ESRRG: variants seen among roughly 807,000 people sequenced by gnomAD.
The protein encoded by ESRRG is estrogen related receptor gamma.
Under a neutral mutation model 44.0 loss-of-function variants are expected in ESRRG, and 13 were observed. The ratio of observed to expected loss-of-function variants is 0.30; its 90% CI spans 0.19 to 0.47. ESRRG has a LOEUF of 0.47. Ranked by LOEUF, ESRRG falls within the 20% of genes least tolerant of loss-of-function variation. The pLI is 1.00. For synonymous variants in ESRRG, 215 were observed against 214.6 expected (o/e 1.00, Z -0.02); for missense variants, 395 against 580.6 (o/e 0.68, Z 3.29).
At chr1:216,873,732 C>T (rs962293205) in intron 2 of ESRRG, among the ~76,000 whole-genome samples, 2 of 151,270 alleles carry the variant, frequency 1.3e-5, no homozygotes, top group African/African-American at 4.9e-5. Context: ...GCTCCACCCT[C>T]TTGGGACCAC....
chr1:217,010,018 A>G (rs2078336447), intron 1 of ESRRG, among the ~76,000 whole-genome samples: 1 of 152,030 alleles, frequency 6.6e-6, no homozygotes, highest in Non-Finnish European at 1.5e-5. Context: ...TATAGTTTTC[A>G]AATTTTAAAT....
chr1:217,067,849 A>G (rs1426768632), intron 1 of ESRRG, among the ~76,000 whole-genome samples: 4 of 152,272 alleles, frequency 2.6e-5, no homozygotes, highest in Non-Finnish European at 5.9e-5. Context: ...TCAAAGGGGA[A>G]AAAAAACCCC....
intron 2 of ESRRG, among the ~76,000 whole-genome samples, chr1:216,786,673 G>A (rs1054305777): frequency 3.3e-5 from 5 of 152,096 alleles, no homozygotes; most frequent in Non-Finnish European, 7.4e-5. Context: ...ACAGAATGCG[G>A]GCTATATTAC....
intron 2 of ESRRG, among the ~76,000 whole-genome samples, chr1:216,821,511 C>A (rs1317749428): frequency 6.6e-6 from 1 of 151,248 alleles, no homozygotes; most frequent in Non-Finnish European, 1.5e-5. Flanking sequence ...CATAGTGAGA[C>A]CCTGTCTCTA....
chr1:216,996,087 A>T (rs2076342091), intron 1 of ESRRG, among the ~76,000 whole-genome samples: 1 of 152,188 alleles, frequency 6.6e-6, no homozygotes. Flanking sequence ...TTTAGGCATG[A>T]TCCTACCTGA....
intron 1 of ESRRG, among the ~76,000 whole-genome samples, chr1:216,682,319 C>T (rs1307960911): frequency 2.6e-5 from 4 of 151,980 alleles, no homozygotes; most frequent in African/African-American, 7.3e-5. Context: ...CTTTGGTAGG[C>T]TAAATAAATG....
At position 217,103,214 on chromosome 1, in the gene ESRRG, T is replaced by C. The variant is rs2092543193; in HGVS notation, c.-230+34453A>G. 3.3e-5 allele frequency among the ~76,000 whole-genome samples: 5 copies of C among 152,200 alleles called. No individual in the cohort carries two copies. In the South Asian group the frequency reaches 1.0e-3, roughly 32 times the overall value. ...TGGAAGTTGATCGAGAGTAGAGGAA[T>C]GGAAGCCTCCTCCGTCAGTCAACCT... On this transcript the variant is annotated intron_variant, in intron 1 of 8. Transcript: ENST00000366940.
In ESRRG at chr1:216,882,224, C is replaced by T. The variant is rs143993594; in HGVS notation, c.-14+57358G>A. 3.3e-5 allele frequency among the ~76,000 whole-genome samples: 5 copies of T among 152,266 alleles called. No individual in the cohort carries two copies. The East Asian group carries it at 9.7e-4, about 29-fold the overall frequency. ...TGCATAGCCAGGACCTTGAGCTATA[C>T]ATTCCTTGATTTATTCACTTCCTTA... On this transcript the variant is annotated intron_variant, in intron 2 of 7. Transcript: ENST00000359162.
chr1:216,547,850 A>G (rs917539521), intron 5 of ESRRG, among the ~76,000 whole-genome samples: 6 of 152,056 alleles, frequency 3.9e-5, no homozygotes, highest in African/African-American at 1.4e-4. Context: ...CCCATTATTG[A>G]TTTGATGAAA....
chr1:216,533,534 C>G (rs1410647029), intron 5 of ESRRG, among the ~76,000 whole-genome samples: 2 of 152,018 alleles, frequency 1.3e-5, no homozygotes, highest in East Asian at 3.9e-4. Context: ...ATGGCTACAG[C>G]AGGAGGCAGA....
intron 3 of ESRRG, among the ~76,000 whole-genome samples, chr1:216,643,876 C>T (rs2066958539): frequency 6.6e-6 from 1 of 152,198 alleles, no homozygotes; most frequent in East Asian, 1.9e-4. Context: ...GGACTTTTTC[C>T]CATTTTGTCC....
At chr1:216,762,726 A>ATAAT (rs1350437648) in intron 2 of ESRRG, among the ~76,000 whole-genome samples, 1 of 151,926 alleles carries the variant, frequency 6.6e-6, no homozygotes, top group African/African-American at 2.4e-5. Context: ...AAATAAATAA[A>ATAAT]TAAATAAAAA....
rs116282921 is a variant in ESRRG at position 216,708,087 on chromosome 1, G to A, written c.56+15157C>T. Among the ~76,000 whole-genome samples, 1,225 of 152,174 alleles carry A rather than the reference G, an allele frequency of 8.0e-3. 20 individuals are homozygous for A. The highest frequency in any genetic ancestry group is 0.028 in the African/African-American group (1,156 of 41,528). ...AATGGAAACAATTTTTAGAATTTAT[G>A]TAGTTCATAATGATTTGAATATTCT... On this transcript the variant is annotated intron_variant, in intron 1 of 6. Coordinates refer to ENST00000408911, the MANE Select transcript of ESRRG (RefSeq NM_001438.4).
chr1:216,831,603 C>G (rs1126020), intron 2 of ESRRG, among the ~76,000 whole-genome samples: 1 of 151,730 alleles, frequency 6.6e-6, no homozygotes, highest in Admixed American at 6.6e-5. Context: ...TAATAGAAAT[C>G]GTGAATAATG....
intron 1 of ESRRG, among the ~76,000 whole-genome samples, chr1:217,068,888 G>A (rs73101245): frequency 5.0e-4 from 76 of 152,102 alleles, no homozygotes; most frequent in African/African-American, 1.3e-3. Context: ...TCCCCTCCAC[G>A]TCCAGCATTT....
intron 1 of ESRRG, among the ~76,000 whole-genome samples, chr1:217,076,365 AG>A (rs1240940840): frequency 2.6e-5 from 4 of 152,190 alleles, no homozygotes; most frequent in Non-Finnish European, 4.4e-5. Context: ...TAAGCATAGC[AG>A]ATAACAGCAC....
chr1:216,971,625 A>G (rs1433521894), intron 1 of ESRRG, among the ~76,000 whole-genome samples: 1 of 152,192 alleles, frequency 6.6e-6, no homozygotes, highest in Non-Finnish European at 1.5e-5. Flanking sequence ...ATTGGTTTTA[A>G]TCTAGTAAGT....
chr1:217,086,881 T>C (rs1298493176), intron 1 of ESRRG, among the ~76,000 whole-genome samples: 2 of 152,108 alleles, frequency 1.3e-5, no homozygotes, highest in East Asian at 3.9e-4. Context: ...TCCTTGGATA[T>C]GATTTGTTTT....
At chr1:217,073,257 C>T (rs929172138) in intron 1 of ESRRG, among the ~76,000 whole-genome samples, 8 of 134,424 alleles carry the variant, frequency 6.0e-5, no homozygotes, top group South Asian at 2.5e-4. Flanking sequence ...TTGCTTTCTA[C>T]ATGCAACTGC....
Sources: allele counts gnomAD v4.1 joint callset (sites outside exome capture counted in the v4.1 genomes callset), GRCh38; gene constraint gnomAD v4.1.1; transcripts MANE v1.5; gene names NCBI Gene and HGNC (gene_info 2026-07-23, HGNC 2026-07-21).